Variants in SLIT3 observed in about 807,000 individuals in gnomAD.
The protein encoded by SLIT3 is slit homolog 3 protein.
SLIT3 carries 68 observed loss-of-function variants against 184.0 expected under a neutral mutation model. The ratio of observed to expected loss-of-function variants is 0.37; its 90% CI spans 0.30 to 0.45. The LOEUF is 0.45. Among genes scored for constraint, SLIT3 ranks in the 20% least tolerant of loss-of-function variants. The probability of loss-of-function intolerance (pLI) is 1.00; values close to 1 mark genes in which losing one functional copy is unlikely to be tolerated. For synonymous variants in SLIT3, 831 were observed against 828.6 expected (o/e 1.00, Z -0.05); for missense variants, 1,707 against 2,026.0 (o/e 0.84, Z 3.02).
chr5:168,855,744 C>T (rs1242514723), intron 5 of SLIT3, among the ~76,000 whole-genome samples: 2 of 152,074 alleles, frequency 1.3e-5, no homozygotes, highest in African/African-American at 4.8e-5. Context: ...GGAGTGACTG[C>T]CGAATGGGTA....
intron 3 of SLIT3, among the ~76,000 whole-genome samples, chr5:169,209,473 A>G (rs1251756123): frequency 1.3e-5 from 2 of 152,206 alleles, no homozygotes; most frequent in African/African-American, 4.8e-5. Flanking sequence ...TAAATCATTC[A>G]ACTATAAAGA....
Position 169,244,844 on chromosome 5 carries a change from T to C in SLIT3, c.270-68A>G, listed in dbSNP as rs1364174590. 8 of 1,359,190 alleles carry C rather than the reference T, an allele frequency of 5.9e-6. No homozygotes were observed. The Admixed American group carries it at 1.2e-4, about 20-fold the overall frequency. 84.2% of individuals were successfully genotyped at this position (1,359,190 alleles called of 1,614,324 possible). On this transcript the variant is annotated intron_variant, in intron 2 of 35. Transcript: ENST00000519560. The stretch of plus-strand genomic sequence containing the variant: ...TCAGGGACCCTCATACTAGGCTTCA[T>C]GCCATGCAGGCATGGTCACTCAGCC...
intron 3 of SLIT3, among the ~76,000 whole-genome samples, chr5:169,212,671 G>A (rs983905780): frequency 1.3e-5 from 2 of 152,132 alleles, no homozygotes; most frequent in Admixed American, 1.3e-4. Flanking sequence ...TAGACATGGT[G>A]TTTTAGACAT....
chr5:168,786,911 T>A (rs530498312), intron 11 of SLIT3, among the ~76,000 whole-genome samples: 52 of 152,322 alleles, frequency 3.4e-4, no homozygotes, highest in Non-Finnish European at 5.7e-4. Flanking sequence ...TGGTTGTTTT[T>A]CTTAAGTCCT....
At chr5:169,019,296 C>T (rs369422376) in intron 4 of SLIT3, among the ~76,000 whole-genome samples, 28 of 152,328 alleles carry the variant, frequency 1.8e-4, no homozygotes, top group African/African-American at 4.8e-4. Flanking sequence ...AACTGCCTTC[C>T]GGGTCACAGC....
At chr5:168,789,744 A>C (rs1327199419) in intron 10 of SLIT3, 113 bp from the exon 11 acceptor site, 4 of 776,920 alleles carry the variant, frequency 5.1e-6, no homozygotes, top group Non-Finnish European at 8.7e-6. Flanking sequence ...TTAATCAATC[A>C]ATCAAGCAAT....
intron 19 of SLIT3, 85 bp from the exon 20 acceptor site, chr5:168,748,519 C>A: frequency 1.5e-6 from 2 of 1,341,090 alleles, no homozygotes; most frequent in Non-Finnish European, 9.8e-7. Context: ...GTGTTCTCCA[C>A]AAAGACAAGT....
chr5:168,950,233 G>A (rs746881702), intron 4 of SLIT3, among the ~76,000 whole-genome samples: 22 of 152,072 alleles, frequency 1.4e-4, no homozygotes, highest in Admixed American at 2.0e-4. Context: ...GGAAGTAGCT[G>A]GAAGGCACCT....
intron 26 of SLIT3, among the ~76,000 whole-genome samples, chr5:168,703,226 TTGTGTGTG>T (rs370363011): frequency 0.19 from 24,355 of 126,474 alleles, 2,840 homozygotes; most frequent in East Asian, 0.48. Flanking sequence ...TCATCCCACT[TTGTGTGTG>T]TGTGTGTGTG....
chr5:169,025,368 G>A (rs1756776811), intron 4 of SLIT3, among the ~76,000 whole-genome samples: 1 of 152,178 alleles, frequency 6.6e-6, no homozygotes, highest in Admixed American at 6.5e-5. Context: ...CAACATCTCT[G>A]GCCTATAGGT....
At chr5:169,267,446 T>C (rs375512047) in intron 1 of SLIT3, among the ~76,000 whole-genome samples, 9 of 152,234 alleles carry the variant, frequency 5.9e-5, no homozygotes, top group East Asian at 5.8e-4. Context: ...AAGGCACAAA[T>C]CAATATCTGT....
intron 4 of SLIT3, among the ~76,000 whole-genome samples, chr5:168,978,479 G>T (rs1307836510): frequency 1.3e-5 from 2 of 152,072 alleles, no homozygotes; most frequent in Non-Finnish European, 2.9e-5. Context: ...GATTTTAAGG[G>T]CCTAGAGGTG....
At chr5:169,176,939 G>A (rs1398252552) in intron 4 of SLIT3, among the ~76,000 whole-genome samples, 1 of 152,166 alleles carries the variant, frequency 6.6e-6, no homozygotes, top group Non-Finnish European at 1.5e-5. Context: ...CAGAGCCCAT[G>A]AAAGCCACTG....
At chr5:169,072,503 G>A (rs550111310) in intron 4 of SLIT3, among the ~76,000 whole-genome samples, 3 of 152,344 alleles carry the variant, frequency 2.0e-5, no homozygotes, top group East Asian at 1.9e-4. Flanking sequence ...GGGACTGTGA[G>A]GAAGGGTTAG....
At chr5:169,121,561 G>A (rs912522597) in intron 4 of SLIT3, among the ~76,000 whole-genome samples, 2 of 152,266 alleles carry the variant, frequency 1.3e-5, no homozygotes, top group African/African-American at 4.8e-5. Context: ...CATTCATTCC[G>A]ATATTCCTGG....
chr5:168,844,898 T>C, intron 5 of SLIT3: 3 of 138,502 alleles, frequency 2.2e-5, no homozygotes, highest in South Asian at 1.8e-4. Flanking sequence ...AATTGCGCAT[T>C]TTTTTTTTTT....
chr5:169,127,658 C>T (rs375492936), intron 4 of SLIT3, among the ~76,000 whole-genome samples: 4 of 152,310 alleles, frequency 2.6e-5, no homozygotes, highest in Middle Eastern at 3.4e-3. Context: ...GCTCTGGTTT[C>T]GCTTGGTCTC....
intron 14 of SLIT3, among the ~76,000 whole-genome samples, chr5:168,770,592 C>T (rs1170183230): frequency 6.6e-6 from 1 of 152,048 alleles, no homozygotes; most frequent in Admixed American, 6.6e-5. Context: ...TAGAGTGCTA[C>T]GTGTCAGTCT....
intron 12 of SLIT3, among the ~76,000 whole-genome samples, chr5:168,776,673 A>T (rs1380018910): frequency 6.6e-6 from 1 of 152,090 alleles, no homozygotes; most frequent in African/African-American, 2.4e-5. Flanking sequence ...CCCCCTGCAA[A>T]TTCCGATGCT....
Sources: allele counts gnomAD v4.1 joint callset (sites outside exome capture counted in the v4.1 genomes callset), GRCh38; gene constraint gnomAD v4.1.1; transcripts MANE v1.5; gene names NCBI Gene and HGNC (gene_info 2026-07-23, HGNC 2026-07-21).